The following NEMF variants were observed in gnomAD, a reference collection of about 807,000 sequenced individuals.
The protein encoded by NEMF is ribosome quality control complex subunit NEMF.
A neutral mutation model predicts 162.2 loss-of-function variants in NEMF; 89 were observed. That is an observed-to-expected ratio of 0.55 (90% CI 0.46 to 0.65). The LOEUF (loss-of-function observed/expected upper bound fraction) is 0.65. NEMF is among the 30% of genes least tolerant of loss of function. The pLI is 0.00. For synonymous variants in NEMF, 421 were observed against 404.5 expected (o/e 1.04, Z -0.49); for missense variants, 1,133 against 1,261.9 (o/e 0.90, Z 1.55).
intron 26 of NEMF, among the ~76,000 whole-genome samples, chr14:49,792,133 A>G: frequency 6.6e-6 from 1 of 151,358 alleles, no homozygotes; most frequent in East Asian, 1.9e-4. Context: ...ACAAAGTAAG[A>G]CCCAGTCTAA....
chr14:49,834,417 A>T lies in NEMF; in HGVS notation c.607T>A (p.Leu203Ile). 1 of 1,608,410 alleles carries T rather than the reference A, an allele frequency of 6.2e-7. No homozygotes were observed. Among genetic ancestry groups the T allele is most frequent in the South Asian group, 1.1e-5 (1 of 90,946 alleles). ...YGPALIEHCL[L>I]ENGFSGNVKV... ...ACATTACCCGAGAATCCATTTTCTA[A>T]AAGACAGTGTTCAATGAGAGCTGGT... The change falls in exon 7 of 33, where the codon TTA becomes ATA. Residue 203 changes from leucine to isoleucine, a missense_variant. Leu to Ile is a conservative substitution (Grantham distance 5, BLOSUM62 2). This residue lies in a region of NEMF where 582 missense variants were observed against 631.5 expected (regional missense o/e 0.92). Transcript: ENST00000298310.
At chr14:49,804,873 T>C (rs771322154) in intron 19 of NEMF, among the ~76,000 whole-genome samples, 3 of 150,858 alleles carry the variant, frequency 2.0e-5, no homozygotes, top group African/African-American at 4.9e-5. Context: ...TCTACAAAAA[T>C]AGAAAAAGTA....
chr14:49,848,031 C>CA (rs76205967), intron 3 of NEMF, among the ~76,000 whole-genome samples: 2,183 of 79,230 alleles, frequency 0.028, 37 homozygotes, highest in Admixed American at 0.063. Flanking sequence ...GACTCTGTCT[C>CA]AAAAAAAAAA....
At chr14:49,797,679 A>T (rs764373723) in intron 25 of NEMF, among the ~76,000 whole-genome samples, 8 of 152,172 alleles carry the variant, frequency 5.3e-5, no homozygotes, top group Non-Finnish European at 1.0e-4. Context: ...GCCTTACATA[A>T]AACTTTCCTA....
chr14:49,805,875 A>AT (rs1211664807), intron 19 of NEMF, 146 bp downstream of exon 19: 1 of 487,182 alleles, frequency 2.1e-6, no homozygotes, highest in Non-Finnish European at 3.7e-6. Context: ...TATGGCACTT[A>AT]TTACCTGACA....
At chr14:49,833,283 C>T in intron 8 of NEMF, 140 bp downstream of exon 8, 1 of 477,064 alleles carries the variant, frequency 2.1e-6, no homozygotes, top group Non-Finnish European at 3.6e-6. Flanking sequence ...AACAAAAAAA[C>T]TATCCTGGAA....
At position 49,789,483 on chromosome 14, in the gene NEMF, A is replaced by C. The variant is rs1161193737; in HGVS notation, c.2697+13T>G. On this transcript the variant is annotated intron_variant, in intron 27 of 32. Coordinates refer to ENST00000298310, the MANE Select transcript of NEMF (RefSeq NM_004713.6). ...GAAAAGCAAAAGAAAAAATGTTTTT[A>C]GATGTTATTTACCCCCAGCAACTTC... 6.2e-7 allele frequency: 1 copy of C among 1,611,388 alleles called. No individual in the cohort carries two copies. Among genetic ancestry groups the C allele is most frequent in the Admixed American group, 1.7e-5 (1 of 59,438 alleles).
At chr14:49,834,530 C>T (rs1345138489) in intron 6 of NEMF, 81 bp from the exon 7 acceptor site, 7 of 1,003,830 alleles carry the variant, frequency 7.0e-6, no homozygotes, top group African/African-American at 6.6e-5. Flanking sequence ...GAGTTTTACC[C>T]GTCGCCCAGG....
intron 29 of NEMF, 96 bp downstream of exon 29, chr14:49,786,622 T>C: frequency 8.1e-7 from 1 of 1,227,874 alleles, no homozygotes; most frequent in Non-Finnish European, 1.2e-6. Flanking sequence ...CAGTCTTGTC[T>C]TAGGTTTCTA....
chr14:49,786,087 G>C (rs898680062), intron 29 of NEMF: 34 of 152,810 alleles, frequency 2.2e-4, no homozygotes, highest in African/African-American at 8.0e-4. Context: ...AATGTCTAGA[G>C]ATAGTTTTCG....
At chr14:49,791,877 CAG>C (rs1301120465) in intron 26 of NEMF, among the ~76,000 whole-genome samples, 4 of 151,846 alleles carry the variant, frequency 2.6e-5, no homozygotes, top group African/African-American at 9.7e-5. Context: ...CTGATGACAA[CAG>C]AGTTTCTTAG....
At position 49,791,475 on chromosome 14, in the gene NEMF, AC is replaced by A. The variant is rs1166202512; in HGVS notation, c.2620-1903del. On this transcript the variant is annotated intron_variant, in intron 26 of 32. Transcript: ENST00000298310. ...TCACTGAGGCCAGGCATGGTGGCTCACGCCTGTAATCCCAGCACTTTGGGAG... is the reference window on the plus strand; with the variant it reads ...TCACTGAGGCCAGGCATGGTGGCTCAGCCTGTAATCCCAGCACTTTGGGAG... Among the ~76,000 whole-genome samples the A allele has an allele frequency of 3.3e-5, 5 of 151,804 alleles. No individual in the cohort carries two copies. The East Asian group carries it at 9.7e-4, about 29-fold the overall frequency.
At chr14:49,792,977 T>C (rs1326646249) in intron 26 of NEMF, among the ~76,000 whole-genome samples, 1 of 151,908 alleles carries the variant, frequency 6.6e-6, no homozygotes, top group African/African-American at 2.4e-5. Flanking sequence ...TGACACCCTG[T>C]CTCAAAAAAA....
At chr14:49,829,612 C>G (rs1320159825) in intron 11 of NEMF, among the ~76,000 whole-genome samples, 186 bp from the exon 12 acceptor site, 1 of 152,146 alleles carries the variant, frequency 6.6e-6, no homozygotes, top group Admixed American at 6.6e-5. Context: ...AATTACTTCT[C>G]CTGTCTTCCT....
intron 23 of NEMF, 126 bp from the exon 24 acceptor site, chr14:49,799,804 G>A (rs902855056): frequency 5.2e-6 from 4 of 763,700 alleles, no homozygotes; most frequent in African/African-American, 3.6e-5. Context: ...ATTTGGTGAA[G>A]TGAGAAAAAC....
chr14:49,829,152 A>G lies in NEMF; in HGVS notation c.1134T>C (p.Ile378=). ...ALANQIDWTE[I]GLIVKEAQAQ... ...CCTGGGCTTCTTTCACAATTAACCCAATTTCTGTCCAATCTATCTGGTTAG... is the reference window on the plus strand; with the variant it reads ...CCTGGGCTTCTTTCACAATTAACCCGATTTCTGTCCAATCTATCTGGTTAG... The change falls in exon 13 of 33, where the codon ATT becomes ATC. Residue 378 remains isoleucine, a synonymous_variant. Transcript: ENST00000298310. 1 of 1,614,140 alleles carries G rather than the reference A, an allele frequency of 6.2e-7. No individual in the cohort carries two copies.
chr14:49,802,826 A>C, intron 20 of NEMF, 99 bp from the exon 21 acceptor site: 1 of 802,560 alleles, frequency 1.2e-6, no homozygotes, highest in East Asian at 2.5e-5. Flanking sequence ...ACTAATGGTC[A>C]TATCCATTTT....
intron 26 of NEMF, among the ~76,000 whole-genome samples, chr14:49,792,373 G>A (rs957092032): frequency 5.3e-5 from 8 of 151,932 alleles, no homozygotes; most frequent in Non-Finnish European, 1.0e-4. Flanking sequence ...CACCACACCC[G>A]GCTAATTTTT....
chr14:49,838,228 C>A lies in NEMF; in HGVS notation c.507-22G>T, dbSNP rs781304665. 11 of 1,607,726 alleles carry A rather than the reference C, an allele frequency of 6.8e-6. No individual in the cohort carries two copies. In the East Asian group the frequency reaches 2.5e-4, roughly 36 times the overall value. On this transcript the variant is annotated intron_variant, in intron 5 of 32. Coordinates refer to ENST00000298310, the MANE Select transcript of NEMF (RefSeq NM_004713.6). ...CAACCTGTGAAACAAAACGGACATGCCTCTATCATATCTTAAATAAACCTT... is the reference window on the plus strand; with the variant it reads ...CAACCTGTGAAACAAAACGGACATGACTCTATCATATCTTAAATAAACCTT...
Sources: allele counts gnomAD v4.1 joint callset (sites outside exome capture counted in the v4.1 genomes callset), GRCh38; gene constraint gnomAD v4.1.1; regional missense constraint gnomAD v4.1.1; transcripts MANE v1.5; gene names NCBI Gene and HGNC (gene_info 2026-07-23, HGNC 2026-07-21).